Variants in ITFG1 observed in about 807,000 individuals in gnomAD.
ITFG1 encodes integrin alpha FG-GAP repeat containing 1, also known as T-cell immunomodulatory protein.
Under a neutral mutation model 81.8 loss-of-function variants are expected in ITFG1, and 34 were observed. The observed-to-expected ratio is 0.42, with a 90% CI of 0.32 to 0.55. ITFG1 has a LOEUF of 0.55. Among genes scored for constraint, ITFG1 ranks in the 20% least tolerant of loss-of-function variants. The pLI is 0.17. For synonymous variants in ITFG1, 285 were observed against 270.6 expected, an observed-to-expected ratio of 1.05 and a Z score of -0.52; for missense variants, 672 against 755.4, an observed-to-expected ratio of 0.89 and a Z score of 1.29.
intron 5 of ITFG1, among the ~76,000 whole-genome samples, chr16:47,445,412 T>G (rs1969312762): frequency 6.6e-6 from 1 of 152,150 alleles, no homozygotes; most frequent in Non-Finnish European, 1.5e-5. Context: ...CTCAGGCACA[T>G]GAATTTTAGC....
At chr16:47,451,837 C>T (rs1270421788) in intron 4 of ITFG1, among the ~76,000 whole-genome samples, 1 of 152,098 alleles carries the variant, frequency 6.6e-6, no homozygotes, top group Admixed American at 6.5e-5. Context: ...GAAATAAATT[C>T]GTTTTGTGAG....
chr16:47,381,634 A>G (rs1294206627), intron 6 of ITFG1, among the ~76,000 whole-genome samples: 1 of 152,212 alleles, frequency 6.6e-6, no homozygotes, highest in Non-Finnish European at 1.5e-5. Context: ...GTTCTATAGT[A>G]GTATCCAGTT....
At chr16:47,436,534 T>C (rs1037665744) in intron 5 of ITFG1, among the ~76,000 whole-genome samples, 7 of 152,186 alleles carry the variant, frequency 4.6e-5, no homozygotes, top group Non-Finnish European at 8.8e-5. Context: ...CTTAAAATAA[T>C]ATGCATTCTT....
chr16:47,415,640 G>T (rs1007401270), intron 6 of ITFG1, among the ~76,000 whole-genome samples: 1 of 152,094 alleles, frequency 6.6e-6, no homozygotes, highest in Non-Finnish European at 1.5e-5. Flanking sequence ...TGTAAGATAT[G>T]CATATCAAAA....
chr16:47,459,329 A>G (rs1285167478), intron 1 of ITFG1, among the ~76,000 whole-genome samples, 154 bp from the exon 2 acceptor site: 3 of 152,174 alleles, frequency 2.0e-5, no homozygotes, highest in East Asian at 1.9e-4. Context: ...CACTAGTCCA[A>G]TGGAGATGCC....
Position 47,325,793 on chromosome 16 carries a change from A to C in ITFG1, c.803-11970T>G, listed in dbSNP as rs192750750. On this transcript the variant is annotated intron_variant, in intron 8 of 17. Transcript: ENST00000320640. ...AACCAGGAAGAAGTTGATTCTCTGA[A>C]TAGACCAATAACAGGCTCTGAAACT... is the stretch of plus-strand genomic sequence containing the variant. 2.9e-3 allele frequency among the ~76,000 whole-genome samples: 436 copies of C among 152,326 alleles called. 3 individuals are homozygous for C. Among genetic ancestry groups the C allele is most frequent in the Non-Finnish European group, 4.6e-3 (313 of 68,028 alleles).
At chr16:47,278,970 C>T (rs965329986) in intron 10 of ITFG1, among the ~76,000 whole-genome samples, 15 of 152,134 alleles carry the variant, frequency 9.9e-5, no homozygotes, top group Admixed American at 6.5e-5. Flanking sequence ...AACCAAGTTA[C>T]ATTCTGAATC....
intron 6 of ITFG1, among the ~76,000 whole-genome samples, chr16:47,393,163 T>G (rs888187149): frequency 6.6e-6 from 1 of 152,126 alleles, no homozygotes; most frequent in African/African-American, 2.4e-5. Flanking sequence ...CAACTAGAAC[T>G]TAGATGCTTA....
intron 5 of ITFG1, among the ~76,000 whole-genome samples, chr16:47,443,949 G>A (rs183067846): frequency 4.3e-4 from 65 of 152,118 alleles, no homozygotes; most frequent in Non-Finnish European, 7.2e-4. Context: ...AAGAAATTTA[G>A]AACTGCTGAT....
chr16:47,399,602 C>A (rs1264114783), intron 6 of ITFG1, among the ~76,000 whole-genome samples: 1 of 151,988 alleles, frequency 6.6e-6, no homozygotes, highest in Non-Finnish European at 1.5e-5. Context: ...AGAGAGCTCA[C>A]ATTCTTTCCC....
At chr16:47,439,522 G>A (rs1285534624) in intron 5 of ITFG1, among the ~76,000 whole-genome samples, 2 of 152,176 alleles carry the variant, frequency 1.3e-5, no homozygotes, top group African/African-American at 4.8e-5. Context: ...GAGAGTGGGG[G>A]CCAATATTCA....
chr16:47,403,729 C>A (rs937361542), intron 6 of ITFG1, among the ~76,000 whole-genome samples: 59 of 149,078 alleles, frequency 4.0e-4, no homozygotes, highest in African/African-American at 1.2e-3. Context: ...TTAGACAGTT[C>A]AGGGAAAAAA....
intron 10 of ITFG1, among the ~76,000 whole-genome samples, chr16:47,278,286 G>A (rs933037543): frequency 6.6e-6 from 1 of 152,202 alleles, no homozygotes; most frequent in Non-Finnish European, 1.5e-5. Flanking sequence ...AGGGGTCTCA[G>A]TTGTATCAGA....
At chr16:47,251,785 T>C (rs1323916562) in intron 12 of ITFG1, among the ~76,000 whole-genome samples, 2 of 152,186 alleles carry the variant, frequency 1.3e-5, no homozygotes, top group Non-Finnish European at 2.9e-5. Flanking sequence ...CTAACAACAA[T>C]AAACTAATAA....
rs151222053 is a variant in ITFG1 at position 47,387,863 on chromosome 16, A to G, written c.656-11923T>C. ...AAAACAGAAAACCAAAAACCTGGCA[A>G]CAGACAGTGCTGTGAGAGGGACCAG... On this transcript the variant is annotated intron_variant, in intron 6 of 17. Coordinates refer to ENST00000320640, the MANE Select transcript of ITFG1 (RefSeq NM_030790.5). Among the ~76,000 whole-genome samples, 1,460 of 152,298 alleles carry G rather than the reference A, an allele frequency of 9.6e-3. 12 individuals carry two copies. Among genetic ancestry groups the G allele is most frequent in the South Asian group, 0.014 (69 of 4,826 alleles).
intron 10 of ITFG1, among the ~76,000 whole-genome samples, chr16:47,300,173 A>C (rs930821865): frequency 6.6e-6 from 1 of 152,154 alleles, no homozygotes; most frequent in African/African-American, 2.4e-5. Context: ...GTAATGGGGA[A>C]TCACTCCCAG....
At chr16:47,234,272 A>G (rs2151532797) in intron 13 of ITFG1, among the ~76,000 whole-genome samples, 1 of 152,326 alleles carries the variant, frequency 6.6e-6, no homozygotes, top group Admixed American at 6.5e-5. Context: ...ACAACATACA[A>G]GAAGAGATGG....
chr16:47,239,065 G>A (rs771688485), intron 12 of ITFG1, among the ~76,000 whole-genome samples: 5 of 152,130 alleles, frequency 3.3e-5, no homozygotes, highest in East Asian at 1.9e-4. Flanking sequence ...ATGTGAGGAC[G>A]TGGCAACAAG....
rs1596896551 is a variant in ITFG1 at position 47,325,899 on chromosome 16, G to A, written c.803-12076C>T. Among the ~76,000 whole-genome samples, 4 of 152,220 alleles carry A rather than the reference G, an allele frequency of 2.6e-5. No individual in the cohort carries two copies. The Middle Eastern group carries it at 0.014, about 518-fold the overall frequency. On this transcript the variant is annotated intron_variant, in intron 8 of 17. Transcript: ENST00000320640. The stretch of plus-strand genomic sequence containing the variant: ...CAGCCAAATTCTACCTGAGGTACAA[G>A]GAGGAGCTGGTACCACTCCTTATGA...
Sources: allele counts gnomAD v4.1 joint callset (sites outside exome capture counted in the v4.1 genomes callset), GRCh38; gene constraint gnomAD v4.1.1; transcripts MANE v1.5; gene names NCBI Gene and HGNC (gene_info 2026-07-23, HGNC 2026-07-21).